The following SULT2A1 variants were observed in gnomAD, a reference collection of about 807,000 sequenced individuals.
SULT2A1 encodes the protein sulfotransferase family 2A member 1.
SULT2A1 carries 43 observed loss-of-function variants against 33.9 expected under a neutral mutation model. That is an observed-to-expected ratio of 1.27 (90% CI 1.00 to 1.64). SULT2A1 has a LOEUF of 1.64. SULT2A1 is among the 40% of genes most tolerant of loss of function. SULT2A1 has a pLI of 0.00. For synonymous variants in SULT2A1, 125 were observed against 113.6 expected (o/e 1.10, Z -0.64); for missense variants, 300 against 335.1 (o/e 0.90, Z 0.82).
intron 4 of SULT2A1, among the ~76,000 whole-genome samples, chr19:47,877,556 T>C (rs533657024): frequency 2.3e-4 from 35 of 150,606 alleles, no homozygotes; most frequent in African/African-American, 6.3e-4. Flanking sequence ...TTCTTTCTTT[T>C]TTTTTTTTTT....
At chr19:47,878,599 C>G (rs1968571246) in intron 4 of SULT2A1, among the ~76,000 whole-genome samples, 1 of 147,452 alleles carries the variant, frequency 6.8e-6, no homozygotes, top group Non-Finnish European at 1.5e-5. Flanking sequence ...TCACTGCAAA[C>G]TCCACCTCCC....
At chr19:47,883,487 A>G in intron 2 of SULT2A1, 90 bp downstream of exon 2, 1 of 1,282,790 alleles carries the variant, frequency 7.8e-7, no homozygotes, top group Non-Finnish European at 1.1e-6. Flanking sequence ...TTGAAGGAGA[A>G]TGCATTTCAG....
intron 3 of SULT2A1, 150 bp from the exon 4 acceptor site, chr19:47,879,280 A>G (rs373448919): frequency 2.9e-5 from 18 of 618,534 alleles, no homozygotes; most frequent in African/African-American, 2.0e-4. Context: ...AACAAATGGT[A>G]TATATTTACA....
In SULT2A1 at chr19:47,871,352, A is replaced by C; in HGVS notation, c.*103T>G. On this transcript the variant is annotated 3_prime_UTR_variant, in exon 6 of 6. Coordinates refer to ENST00000222002, the MANE Select transcript of SULT2A1 (RefSeq NM_003167.4). ...GCAGAGGTTTGATATTTAAGGTTTCAGGATAAAATAATAAGTCTTACACAA... is the reference window on the plus strand; with the variant it reads ...GCAGAGGTTTGATATTTAAGGTTTCCGGATAAAATAATAAGTCTTACACAA... 1.1e-6 allele frequency: 1 copy of C among 871,122 alleles called. No individual in the cohort carries two copies. The highest frequency in any genetic ancestry group is 2.5e-5 in the East Asian group (1 of 40,246). The allele number at this position is 871,122 out of a possible 1,614,324, so 54.0% of individuals were successfully genotyped here.
chr19:47,871,427 C>T lies in SULT2A1; in HGVS notation c.*28G>A, dbSNP rs1336762669. The T allele has an allele frequency of 1.3e-6, 2 of 1,511,630 alleles. No individual in the cohort carries two copies. The highest frequency in any genetic ancestry group is 2.8e-5 in the African/African-American group (2 of 72,642). The allele number at this position is 1,511,630 out of a possible 1,614,324, so 93.6% of individuals were successfully genotyped here. Reference sequence around the variant, plus strand: ...AGGACAGGAGAATCAATGTCATTCTCCATATAAGATCCAGAGTGTTTTGGA... The same window carrying T: ...AGGACAGGAGAATCAATGTCATTCTTCATATAAGATCCAGAGTGTTTTGGA... On this transcript the variant is annotated 3_prime_UTR_variant, in exon 6 of 6. Transcript: ENST00000222002.
intron 3 of SULT2A1, among the ~76,000 whole-genome samples, chr19:47,879,965 G>A (rs1241821544): frequency 6.6e-6 from 1 of 151,886 alleles, no homozygotes; most frequent in Admixed American, 6.6e-5. Flanking sequence ...GGCCAGGTAC[G>A]GTGGCTCACA....
intron 4 of SULT2A1, among the ~76,000 whole-genome samples, chr19:47,875,481 T>C (rs1178475660): frequency 6.6e-6 from 1 of 150,766 alleles, no homozygotes. Flanking sequence ...CTACAAAAAA[T>C]ACAAAAATTA....
At chr19:47,873,200 C>T (rs1488743826) in intron 5 of SULT2A1, among the ~76,000 whole-genome samples, 3 of 151,676 alleles carry the variant, frequency 2.0e-5, no homozygotes, top group Admixed American at 1.3e-4. Flanking sequence ...CGGAGTTTCA[C>T]TCTTGTTGCC....
rs1220380467 is a variant in SULT2A1, at chr19:47,883,726, T to C, written c.196A>G (p.Ile66Val). 1.2e-6 allele frequency: 2 copies of C among 1,614,090 alleles called. No homozygotes were observed. Among genetic ancestry groups the C allele is most frequent in the Non-Finnish European group, 1.7e-6 (2 of 1,180,012 alleles). The change falls in exon 2 of 6, where the codon ATC becomes GTC. Residue 66 changes from isoleucine to valine, a missense_variant. By Grantham distance (29) the Ile-to-Val change is conservative (BLOSUM62 3). Coordinates refer to ENST00000222002, the MANE Select transcript of SULT2A1 (RefSeq NM_003167.4). Reference sequence around the variant, plus strand: ...CGCTCCCAGATGGGCACAGATTGGATCCACTTGGCATCCCCCTTGGAGTGC... The same window carrying C: ...CGCTCCCAGATGGGCACAGATTGGACCCACTTGGCATCCCCCTTGGAGTGC... ...LMHSKGDAKW[I>V]QSVPIWERSP...
At chr19:47,874,586 G>A (rs528078197) in intron 5 of SULT2A1, 71 bp downstream of exon 5, 22 of 959,648 alleles carry the variant, frequency 2.3e-5, no homozygotes, top group Non-Finnish European at 2.8e-5. Flanking sequence ...AACTGTTAGC[G>A]CCCAGTTGTG....
chr19:47,878,768 G>A (rs1216397046), intron 4 of SULT2A1, among the ~76,000 whole-genome samples: 1 of 151,974 alleles, frequency 6.6e-6, no homozygotes, highest in East Asian at 1.9e-4. Flanking sequence ...ACCCACCTCG[G>A]CCTCCCAAAG....
Position 47,883,698 on chromosome 19 carries a change from G to A in SULT2A1, c.224C>T (p.Ser75Leu). 6.2e-7 allele frequency: 1 copy of A among 1,614,134 alleles called. No individual in the cohort carries two copies. The highest frequency in any genetic ancestry group is 8.5e-7 in the Non-Finnish European group (1 of 1,180,024). Residue 75 changes from serine (S) to leucine (L), a missense_variant, in exon 2 of 6, where the codon TCA becomes TTA. Transcript: ENST00000222002. ...CCCAATCTCACTCTCTACCCAGGGT[G>A]ATCGCTCCCAGATGGGCACAGATTG... ...WIQSVPIWER[S>L]PWVESEIGYT... is the part of the protein sequence containing the mutation.
chr19:47,880,248 A>AAAC (rs1568639428), intron 3 of SULT2A1, among the ~76,000 whole-genome samples: 1 of 150,524 alleles, frequency 6.6e-6, no homozygotes, highest in Non-Finnish European at 1.5e-5. Flanking sequence ...AAAAAAAAAA[A>AAAC]AAAAAAAAAA....
intron 4 of SULT2A1, among the ~76,000 whole-genome samples, chr19:47,875,158 C>CAAAAAAAAAA (rs36196588): frequency 2.1e-5 from 2 of 94,052 alleles, no homozygotes; most frequent in Non-Finnish European, 2.0e-5. Context: ...GAGACCTTGT[C>CAAAAAAAAAA]AAAAAAAAAA....
intron 5 of SULT2A1, among the ~76,000 whole-genome samples, chr19:47,873,647 G>A (rs1416376828): frequency 3.8e-5 from 4 of 105,208 alleles, no homozygotes; most frequent in African/African-American, 8.2e-5. Context: ...TTTTTGAGAC[G>A]GAGTCTTGCT....
chr19:47,882,310 C>T (rs1968611851), intron 2 of SULT2A1, 100 bp from the exon 3 acceptor site: 1 of 1,396,968 alleles, frequency 7.2e-7, no homozygotes, highest in Non-Finnish European at 9.7e-7. Context: ...TGGATAATGC[C>T]TAATAATATC....
At chr19:47,877,551 T>TC (rs1406747493) in intron 4 of SULT2A1, among the ~76,000 whole-genome samples, 2 of 147,632 alleles carry the variant, frequency 1.4e-5, no homozygotes, top group East Asian at 3.9e-4. Flanking sequence ...TCTTTTTCTT[T>TC]CTTTTTTTTT....
At chr19:47,871,833 CCT>C (rs1968495413) in intron 5 of SULT2A1, among the ~76,000 whole-genome samples, 1 of 152,156 alleles carries the variant, frequency 6.6e-6, no homozygotes, top group East Asian at 1.9e-4. Context: ...CGTCTCACCA[CCT>C]CTGTTTCTAC....
chr19:47,873,815 G>A (rs888652992), intron 5 of SULT2A1, among the ~76,000 whole-genome samples: 1 of 151,188 alleles, frequency 6.6e-6, no homozygotes, highest in Admixed American at 6.6e-5. Context: ...AGTGGAGATG[G>A]GGTTTCACCA....
Sources: gnomAD v4.1 joint callset for allele counts (sites outside exome capture counted in the v4.1 genomes callset) on GRCh38, gnomAD v4.1.1 for gene constraint, MANE v1.5 for transcripts, NCBI Gene and HGNC (gene_info 2026-07-23, HGNC 2026-07-21) for gene names.